The following SCFD1 variants were observed in gnomAD, a reference collection of about 807,000 sequenced individuals.
SCFD1 encodes sec1 family domain containing 1.
In SCFD1, 37 loss-of-function variants were observed where a neutral mutation model predicts 103.2. The observed-to-expected ratio is 0.36, with a 90% CI of 0.28 to 0.47. The LOEUF (loss-of-function observed/expected upper bound fraction) is 0.47. Ranked by LOEUF, SCFD1 falls within the 20% of genes least tolerant of loss-of-function variation. The probability of loss-of-function intolerance (pLI) is 1.00; values close to 1 mark genes in which losing one functional copy is unlikely to be tolerated. For missense variants in SCFD1, 639 were observed against 761.2 expected, an observed-to-expected ratio of 0.84 and a Z score of 1.89; for synonymous variants, 264 against 245.0, an observed-to-expected ratio of 1.08 and a Z score of -0.73.
At chr14:30,630,614 A>T (rs1344707121) in intron 3 of SCFD1, 49 bp downstream of exon 3, 3 of 1,076,346 alleles carry the variant, frequency 2.8e-6, no homozygotes, top group Admixed American at 1.8e-5. Context: ...AAGAACATTT[A>T]TAGAGAAAAA....
At chr14:30,682,453 A>G (rs183123541) in intron 14 of SCFD1, among the ~76,000 whole-genome samples, 82 of 152,352 alleles carry the variant, frequency 5.4e-4, no homozygotes, top group African/African-American at 1.9e-3. Context: ...TCACATTGAC[A>G]AATCCATGCA....
At chr14:30,698,197 CTT>C (rs757084450) in intron 15 of SCFD1, among the ~76,000 whole-genome samples, 2 of 152,198 alleles carry the variant, frequency 1.3e-5, no homozygotes, top group African/African-American at 4.8e-5. Context: ...GGAATTCTAA[CTT>C]TAAAGCAGCA....
rs149106914 is a variant in SCFD1, at chr14:30,628,220, C to T, written c.73C>T (p.Arg25Cys). The T allele has an allele frequency of 1.8e-5, 29 of 1,608,896 alleles. No homozygotes were observed. The highest frequency in any genetic ancestry group is 2.1e-5 in the Non-Finnish European group (25 of 1,176,348). ...IRERQTVALK[R>C]MLNFNVPHIK... is the part of the protein sequence containing the mutation. ...CTTTTTATTTTCAGTGGCTTTGAAGCGTATGTTGAATTTCAATGTGCCTCA... is the reference window on the plus strand; with the variant it reads ...CTTTTTATTTTCAGTGGCTTTGAAGTGTATGTTGAATTTCAATGTGCCTCA... Residue 25 changes from arginine (R) to cysteine (C), a missense_variant, in exon 2 of 25, where the codon CGT (arginine) becomes TGT (cysteine). Transcript: ENST00000458591.
At chr14:30,707,771 A>G (rs751518549) in intron 18 of SCFD1, 38 of 593,556 alleles carry the variant, frequency 6.4e-5, no homozygotes, top group South Asian at 6.1e-4. Context: ...ATTATTGACT[A>G]ATCAGAGTAT....
At chr14:30,662,693 A>T (rs910040267) in intron 10 of SCFD1, among the ~76,000 whole-genome samples, 1 of 152,234 alleles carries the variant, frequency 6.6e-6, no homozygotes. Context: ...TTTTTATTTT[A>T]CTTTCCTTTT....
chr14:30,735,486 A>G, intron 24 of SCFD1, 100 bp from the exon 25 acceptor site: 1 of 806,736 alleles, frequency 1.2e-6, no homozygotes. Context: ...AGTGAATAAA[A>G]TAGGAAGTGT....
intron 7 of SCFD1, among the ~76,000 whole-genome samples, chr14:30,646,233 G>A (rs1885813868): frequency 6.6e-6 from 1 of 151,420 alleles, no homozygotes; most frequent in Admixed American, 6.6e-5. Context: ...ATGTTGGTCA[G>A]GATGGTCTCA....
chr14:30,663,897 A>G (rs1474673280), intron 10 of SCFD1, among the ~76,000 whole-genome samples: 1 of 152,226 alleles, frequency 6.6e-6, no homozygotes, highest in African/African-American at 2.4e-5. Flanking sequence ...GTAAGGATCA[A>G]ATGACTTAAT....
intron 6 of SCFD1, among the ~76,000 whole-genome samples, chr14:30,641,670 G>A (rs1375769546): frequency 6.6e-6 from 1 of 151,962 alleles, no homozygotes; most frequent in Non-Finnish European, 1.5e-5. Flanking sequence ...TGAAATAGAT[G>A]GTATTTGCAA....
At chr14:30,700,147 C>A in intron 15 of SCFD1, 41 bp from the exon 16 acceptor site, 1 of 1,407,738 alleles carries the variant, frequency 7.1e-7, no homozygotes, top group Admixed American at 1.7e-5. Context: ...ATAATAACCA[C>A]AATTATGAAA....
At chr14:30,625,080 CT>C (rs886345576) in intron 1 of SCFD1, among the ~76,000 whole-genome samples, 39 of 151,510 alleles carry the variant, frequency 2.6e-4, no homozygotes, top group East Asian at 7.8e-4. Flanking sequence ...ATATGTTTTA[CT>C]TTTTTTTTAT....
chr14:30,631,251 G>A (rs1426406912), intron 3 of SCFD1, among the ~76,000 whole-genome samples: 1 of 152,146 alleles, frequency 6.6e-6, no homozygotes, highest in Admixed American at 6.5e-5. Context: ...GCTACTTGAG[G>A]CTGAGGCAGG....
intron 12 of SCFD1, 68 bp downstream of exon 12, chr14:30,673,415 G>T: frequency 1.2e-6 from 1 of 841,292 alleles, no homozygotes; most frequent in Non-Finnish European, 1.8e-6. Context: ...AAAGAGATTT[G>T]GGTTTTTTTC....
At chr14:30,649,122 A>G (rs1034054095) in intron 7 of SCFD1, among the ~76,000 whole-genome samples, 3 of 152,176 alleles carry the variant, frequency 2.0e-5, no homozygotes, top group Admixed American at 6.5e-5. Flanking sequence ...TTTCTTTATT[A>G]ATGGGAAGGT....
In SCFD1 at chr14:30,677,244, C is replaced by A. The variant is rs142785982; in HGVS notation, c.1242+2179C>A. The stretch of plus-strand genomic sequence containing the variant: ...GTGGCACAATCATAGCTCAATATAG[C>A]CTTAACCTCCTGGGCTCAAGGATCC... On this transcript the variant is annotated intron_variant, in intron 14 of 24. Transcript: ENST00000458591. Among the ~76,000 whole-genome samples the A allele has an allele frequency of 9.9e-3, 1,501 of 152,166 alleles. 10 individuals carry two copies. The highest frequency in any genetic ancestry group is 0.016 in the Non-Finnish European group (1,069 of 67,974).
At chr14:30,640,277 G>C (rs1213831779) in intron 6 of SCFD1, among the ~76,000 whole-genome samples, 1 of 152,142 alleles carries the variant, frequency 6.6e-6, no homozygotes, top group African/African-American at 2.4e-5. Flanking sequence ...AGAAGAGAAT[G>C]AATCTTTTGG....
At chr14:30,635,403 C>T (rs1372981853) in intron 4 of SCFD1, among the ~76,000 whole-genome samples, 1 of 152,066 alleles carries the variant, frequency 6.6e-6, no homozygotes, top group East Asian at 1.9e-4. Context: ...AACCTGGTAC[C>T]ATTTATCACA....
chr14:30,674,361 G>A (rs1489953798), intron 13 of SCFD1, among the ~76,000 whole-genome samples: 1 of 151,880 alleles, frequency 6.6e-6, no homozygotes, highest in East Asian at 1.9e-4. Flanking sequence ...GGAGGGAGGA[G>A]GCTGGGCGCG....
intron 19 of SCFD1, among the ~76,000 whole-genome samples, chr14:30,709,423 G>A (rs1424636119): frequency 1.3e-5 from 2 of 152,100 alleles, no homozygotes; most frequent in African/African-American, 4.8e-5. Context: ...TGTAGAGATG[G>A]GGTTTCACTA....
Sources: gnomAD v4.1 joint callset for allele counts (sites outside exome capture counted in the v4.1 genomes callset) on GRCh38, gnomAD v4.1.1 for gene constraint, MANE v1.5 for transcripts, NCBI Gene and HGNC (gene_info 2026-07-23, HGNC 2026-07-21) for gene names.